The following LONRF1 variants were observed in gnomAD, a reference collection of about 807,000 sequenced individuals.
LONRF1 encodes LON peptidase N-terminal domain and ring finger 1.
A neutral mutation model predicts 85.8 loss-of-function variants in LONRF1; 37 were observed. The observed-to-expected ratio is 0.43, with a 90% CI of 0.33 to 0.57. The LOEUF (loss-of-function observed/expected upper bound fraction) is 0.57, where lower values mean the gene tolerates loss of function less well. Ranked by LOEUF, LONRF1 falls within the 20% of genes least tolerant of loss-of-function variation. LONRF1 has a pLI of 0.04. For missense variants in LONRF1, 1,036 were observed against 978.0 expected (o/e 1.06, Z -0.79); for synonymous variants, 517 against 390.1 (o/e 1.33, Z -3.83).
chr8:12,746,154 C>T (rs1368457091), intron 1 of LONRF1, among the ~76,000 whole-genome samples: 1 of 152,158 alleles, frequency 6.6e-6, no homozygotes, highest in Non-Finnish European at 1.5e-5. Flanking sequence ...CTGGGTTAGG[C>T]TCCCCAAATC....
chr8:12,740,515 A>G (rs1798890078), intron 3 of LONRF1, among the ~76,000 whole-genome samples: 1 of 152,192 alleles, frequency 6.6e-6, no homozygotes, highest in African/African-American at 2.4e-5. Flanking sequence ...AATCCTGCGG[A>G]GTAAGCAAAG....
intron 1 of LONRF1, among the ~76,000 whole-genome samples, chr8:12,746,695 T>C (rs1257002560): frequency 6.6e-6 from 1 of 152,112 alleles, no homozygotes; most frequent in Non-Finnish European, 1.5e-5. Context: ...TCAGCACAAT[T>C]CTACATGGAT....
At chr8:12,729,529 T>C (rs1309497156) in intron 8 of LONRF1, 197 bp from the exon 9 acceptor site, 4 of 520,960 alleles carry the variant, frequency 7.7e-6, no homozygotes, top group African/African-American at 5.8e-5. Flanking sequence ...TGATGAAATA[T>C]TAATACTGAA....
intron 1 of LONRF1, among the ~76,000 whole-genome samples, chr8:12,744,815 C>T (rs1190315943): frequency 1.3e-5 from 2 of 152,188 alleles, no homozygotes; most frequent in East Asian, 1.9e-4. Context: ...AGACAGACTC[C>T]GCTCTAGTAC....
At chr8:12,742,215 G>T (rs1031067214) in intron 2 of LONRF1, among the ~76,000 whole-genome samples, 2 of 152,126 alleles carry the variant, frequency 1.3e-5, no homozygotes, top group Non-Finnish European at 2.9e-5. Context: ...ATGAGATTTC[G>T]TATCATTTCT....
intron 1 of LONRF1, among the ~76,000 whole-genome samples, chr8:12,749,239 C>T (rs1248106500): frequency 6.6e-6 from 1 of 151,966 alleles, no homozygotes; most frequent in Non-Finnish European, 1.5e-5. Flanking sequence ...TGTCTTTTAC[C>T]CACATAAATG....
At chr8:12,737,351 G>C (rs1428008940) in intron 4 of LONRF1, 1 of 702,398 alleles carries the variant, frequency 1.4e-6, no homozygotes. Flanking sequence ...GCATCCGTGG[G>C]TTCATCCAAC....
chr8:12,744,869 G>C (rs1799083288), intron 1 of LONRF1, among the ~76,000 whole-genome samples: 1 of 52,844 alleles, frequency 1.9e-5, no homozygotes, highest in Non-Finnish European at 4.9e-5. Flanking sequence ...CCCATTCTTG[G>C]ATTTTTATTT....
intron 7 of LONRF1, among the ~76,000 whole-genome samples, chr8:12,734,915 A>G (rs1353824448): frequency 6.6e-6 from 1 of 152,180 alleles, no homozygotes; most frequent in Admixed American, 6.5e-5. Context: ...ATGTTGAGGA[A>G]GCTGAAACAG....
intron 10 of LONRF1, among the ~76,000 whole-genome samples, chr8:12,727,461 CATT>C (rs1798361044): frequency 1.4e-5 from 1 of 70,692 alleles, no homozygotes; most frequent in South Asian, 7.4e-4. Flanking sequence ...ACAAGAAAAT[CATT>C]ATATAGATGA....
At chr8:12,745,391 G>T (rs145440418) in intron 1 of LONRF1, among the ~76,000 whole-genome samples, 2 of 54,140 alleles carry the variant, frequency 3.7e-5, no homozygotes, top group East Asian at 7.8e-4. Context: ...TTTAAAAAAA[G>T]ATTAGGACCA....
At chr8:12,751,084 G>A (rs1799366311) in intron 1 of LONRF1, among the ~76,000 whole-genome samples, 1 of 151,998 alleles carries the variant, frequency 6.6e-6, no homozygotes, top group Non-Finnish European at 1.5e-5. Flanking sequence ...GAGAGGCGAG[G>A]GCTGCGTCAG....
At chr8:12,731,500 T>TC (rs1346284243) in intron 8 of LONRF1, among the ~76,000 whole-genome samples, 7 of 151,748 alleles carry the variant, frequency 4.6e-5, no homozygotes, top group African/African-American at 1.7e-4. Context: ...AGGAAATTCC[T>TC]CCCCCGCCCA....
At chr8:12,748,793 T>A (rs1266273476) in intron 1 of LONRF1, among the ~76,000 whole-genome samples, 1 of 136,844 alleles carries the variant, frequency 7.3e-6, no homozygotes, top group Non-Finnish European at 1.5e-5. Flanking sequence ...TTTCAAAGGC[T>A]AACCAGAATA....
chr8:12,731,783 C>T lies in LONRF1; in HGVS notation c.1641G>A (p.Leu547=). ...ELIVKYLPDE[L]SERKKIYDEE... ...CATCATATATTTTTTTTCTCTCAGA[C>T]AGTTCATCAGGCAGATACTTCACTA... Residue 547 remains leucine, a synonymous_variant, in exon 8 of 12, where the codon CTG becomes CTA. Coordinates refer to ENST00000398246, the MANE Select transcript of LONRF1 (RefSeq NM_152271.5). 6.2e-7 allele frequency: 1 copy of T among 1,612,980 alleles called. No individual in the cohort carries two copies. Among genetic ancestry groups the T allele is most frequent in the African/African-American group, 1.3e-5 (1 of 74,970 alleles).
chr8:12,740,958 AC>A lies in LONRF1; in HGVS notation c.878del (p.Gly293ValfsTer3). The part of the protein sequence containing the change: ...FRKGKVLCDA[G>X]FLGDALQLFL... ...AGAGTTGTAAGGCATCACCTAAAAAACCAGCATCGCAGAGTACTTTTCCTTT... is the reference window on the plus strand; with the variant it reads ...AGAGTTGTAAGGCATCACCTAAAAAACAGCATCGCAGAGTACTTTTCCTTT... On this transcript the variant is annotated frameshift_variant, in exon 3 of 12. Transcript: ENST00000398246. LOFTEE classifies it high-confidence loss of function. 6.2e-7 allele frequency: 1 copy of A among 1,613,662 alleles called. No individual in the cohort carries two copies. Among genetic ancestry groups the A allele is most frequent in the Non-Finnish European group, 8.5e-7 (1 of 1,179,660 alleles).
chr8:12,725,545 A>G (rs1798263435), intron 11 of LONRF1, among the ~76,000 whole-genome samples, 182 bp downstream of exon 11: 1 of 152,192 alleles, frequency 6.6e-6, no homozygotes, highest in Non-Finnish European at 1.5e-5. Flanking sequence ...TCTGTACGGA[A>G]TGTAGTGGAG....
intron 11 of LONRF1, among the ~76,000 whole-genome samples, chr8:12,723,904 G>A (rs564732711): frequency 1.3e-5 from 2 of 152,326 alleles, no homozygotes; most frequent in South Asian, 2.1e-4. Flanking sequence ...AAAGGTCCTG[G>A]TAATGCTGTG....
chr8:12,729,783 G>C (rs1199106142), intron 8 of LONRF1, among the ~76,000 whole-genome samples: 2 of 152,114 alleles, frequency 1.3e-5, no homozygotes, highest in African/African-American at 4.8e-5. Context: ...AAAATTCTCA[G>C]CCATTATTTT....
Sources: gnomAD v4.1 joint callset for allele counts (sites outside exome capture counted in the v4.1 genomes callset) on GRCh38, gnomAD v4.1.1 for gene constraint, MANE v1.5 for transcripts, NCBI Gene and HGNC (gene_info 2026-07-23, HGNC 2026-07-21) for gene names.